Variants in LRRC37A2 observed in about 807,000 individuals in gnomAD.
LRRC37A2 encodes leucine rich repeat containing 37 member A2.
Under a neutral mutation model 68.8 loss-of-function variants are expected in LRRC37A2, and 9 were observed. The observed-to-expected ratio is 0.13, with a 90% confidence interval of 0.08 to 0.23. The LOEUF (loss-of-function observed/expected upper bound fraction) is 0.23. Among genes scored for constraint, LRRC37A2 ranks in the 10% least tolerant of loss-of-function variants. The pLI, the probability that LRRC37A2 is intolerant of heterozygous loss-of-function variation, is 1.00. For missense variants in LRRC37A2, 168 were observed against 950.4 expected, an observed-to-expected ratio of 0.18 and a Z score of 10.82; for synonymous variants, 63 against 367.6, an observed-to-expected ratio of 0.17 and a Z score of 9.48.
the LRRC37A2 span, among the ~76,000 whole-genome samples, chr17:46,727,609 A>G: frequency 6.6e-6 from 1 of 152,176 alleles, no homozygotes; most frequent in African/African-American, 2.4e-5. Context: ...CAAAGCAGGT[A>G]TATCTGTGAG....
At chr17:46,704,636 C>T in the LRRC37A2 span, 6 of 1,160,934 alleles carry the variant, frequency 5.2e-6, no homozygotes, top group Non-Finnish European at 7.0e-6. Context: ...GCAAATATTT[C>T]AGATTTTTTT....
At chr17:46,865,400 C>T in the LRRC37A2 span, among the ~76,000 whole-genome samples, 4 of 152,072 alleles carry the variant, frequency 2.6e-5, no homozygotes, top group Non-Finnish European at 5.9e-5. Context: ...TCTTTCCTCT[C>T]TGAGTCAGGG....
At chr17:46,897,739 C>G in the LRRC37A2 span, among the ~76,000 whole-genome samples, 1 of 152,024 alleles carries the variant, frequency 6.6e-6, no homozygotes, top group Non-Finnish European at 1.5e-5. Context: ...ATCCTCCTAC[C>G]CCAGCTTCCC....
chr17:46,808,859 C>G, the LRRC37A2 span, among the ~76,000 whole-genome samples: 1 of 152,222 alleles, frequency 6.6e-6, no homozygotes, highest in East Asian at 1.9e-4. Flanking sequence ...AGGCTCATCT[C>G]CACTCCTGGG....
chr17:47,002,356 C>A, the LRRC37A2 span, among the ~76,000 whole-genome samples: 3 of 151,114 alleles, frequency 2.0e-5, no homozygotes, highest in African/African-American at 4.9e-5. Flanking sequence ...TACAAACAAT[C>A]CAATTATACA....
At chr17:46,405,818 T>C in the LRRC37A2 span, among the ~76,000 whole-genome samples, 1 of 108,116 alleles carries the variant, frequency 9.2e-6, no homozygotes, top group African/African-American at 3.4e-5. Context: ...TGACTACCTG[T>C]CATAGCTCAC....
chr17:46,983,327 C>T, the LRRC37A2 span, among the ~76,000 whole-genome samples: 1,005 of 115,836 alleles, frequency 8.7e-3, 18 homozygotes, highest in African/African-American at 0.031. Flanking sequence ...GACGGAGTCT[C>T]GCTATGTCAC....
At chr17:46,871,313 A>G in the LRRC37A2 span, among the ~76,000 whole-genome samples, 2 of 152,152 alleles carry the variant, frequency 1.3e-5, no homozygotes, top group Admixed American at 1.3e-4. Context: ...CACTGGGGGC[A>G]CCAGGATATA....
the LRRC37A2 span, among the ~76,000 whole-genome samples, chr17:46,879,193 G>A: frequency 6.6e-6 from 1 of 152,184 alleles, no homozygotes; most frequent in Non-Finnish European, 1.5e-5. Flanking sequence ...CAGCACAGGT[G>A]GGGTTTGTGT....
chr17:46,971,639 T>C, the LRRC37A2 span, among the ~76,000 whole-genome samples: 1 of 152,156 alleles, frequency 6.6e-6, no homozygotes, highest in Non-Finnish European at 1.5e-5. Context: ...AGAGCTCAGC[T>C]AGAGTACCTC....
the LRRC37A2 span, among the ~76,000 whole-genome samples, chr17:47,000,045 A>AAAT: frequency 1.4e-4 from 4 of 28,634 alleles, no homozygotes; most frequent in Admixed American, 1.4e-3. Flanking sequence ...AAATAAAATA[A>AAAT]AATAAAATAA....
the LRRC37A2 span, among the ~76,000 whole-genome samples, chr17:46,943,333 C>G: frequency 6.6e-6 from 1 of 152,320 alleles, no homozygotes; most frequent in East Asian, 1.9e-4. Context: ...CAGGCCAGCT[C>G]TTCGCTGCCC....
At chr17:46,924,528 A>G in the LRRC37A2 span, 2 of 152,226 alleles carry the variant, frequency 1.3e-5, no homozygotes, top group South Asian at 4.1e-4. Context: ...TGATTAAAAC[A>G]CTTAAAATCA....
At chr17:46,493,802 G>T in the LRRC37A2 span, among the ~76,000 whole-genome samples, 7 of 150,828 alleles carry the variant, frequency 4.6e-5, 2 homozygotes, top group African/African-American at 1.7e-4. Context: ...CTCCCAAAGT[G>T]CTGGGATTAC....
the LRRC37A2 span, among the ~76,000 whole-genome samples, chr17:46,731,083 A>G: frequency 6.6e-6 from 1 of 152,214 alleles, no homozygotes; most frequent in Admixed American, 6.5e-5. Flanking sequence ...GTGAGTATTC[A>G]TAGCAGCATT....
chr17:46,865,998 G>A, the LRRC37A2 span, among the ~76,000 whole-genome samples: 1 of 152,176 alleles, frequency 6.6e-6, no homozygotes, highest in South Asian at 2.1e-4. Context: ...GAAAAGAGGG[G>A]GTGGAGAGAG....
At chr17:46,553,028 CTGAG>C (rs1186281477) in intron 11 of LRRC37A2, among the ~76,000 whole-genome samples, 4 of 143,030 alleles carry the variant, frequency 2.8e-5, no homozygotes, top group South Asian at 2.1e-4. Flanking sequence ...GCACTCCATC[CTGAG>C]TAACAGAGGA....
the LRRC37A2 span, among the ~76,000 whole-genome samples, chr17:46,914,649 T>TAA: frequency 1.3e-4 from 1 of 7,698 alleles, no homozygotes. Flanking sequence ...AGACTCCACC[T>TAA]CAAAAAAAAA....
chr17:46,913,057 C>T, the LRRC37A2 span, among the ~76,000 whole-genome samples: 866 of 152,324 alleles, frequency 5.7e-3, 15 homozygotes, highest in African/African-American at 0.02. Flanking sequence ...GAACGAGCCA[C>T]GGCTGTCCCA....
Sources: allele counts gnomAD v4.1 joint callset (sites outside exome capture counted in the v4.1 genomes callset), GRCh38; gene constraint gnomAD v4.1.1; transcripts MANE v1.5; gene names NCBI Gene and HGNC (gene_info 2026-07-23, HGNC 2026-07-21).